LRRC34: variants seen among roughly 807,000 people sequenced by gnomAD.
LRRC34 encodes the protein leucine-rich repeat-containing protein 34.
Under a neutral mutation model 48.5 loss-of-function variants are expected in LRRC34, and 44 were observed. That is an observed-to-expected ratio of 0.91 (90% CI 0.71 to 1.17). The LOEUF (loss-of-function observed/expected upper bound fraction) is 1.17, where lower values mean the gene tolerates loss of function less well. Ranked by LOEUF, LRRC34 falls within the 50% of genes most tolerant of loss-of-function variation. LRRC34 has a pLI of 0.00. For missense variants in LRRC34, 502 were observed against 563.0 expected, an observed-to-expected ratio of 0.89 and a Z score of 1.10; for synonymous variants, 192 against 197.6, an observed-to-expected ratio of 0.97 and a Z score of 0.24.
chr3:169,807,387 T>C (rs780160867), intron 4 of LRRC34, 39 bp downstream of exon 4: 11 of 1,578,546 alleles, frequency 7.0e-6, no homozygotes, highest in Non-Finnish European at 9.6e-6. Context: ...TTGGTTTCAT[T>C]GTAAATGGAA....
chr3:169,796,625 G>A, intron 8 of LRRC34, 120 bp downstream of exon 8: 1 of 1,079,276 alleles, frequency 9.3e-7, no homozygotes, highest in East Asian at 2.8e-5. Flanking sequence ...ATTGACAATT[G>A]GTTGCAGTTT....
At chr3:169,797,005 G>A (rs1054949271) in intron 7 of LRRC34, 106 bp from the exon 8 acceptor site, 2 of 832,628 alleles carry the variant, frequency 2.4e-6, no homozygotes, top group African/African-American at 1.8e-5. Context: ...AGATTATATT[G>A]GTTAAAACTG....
At chr3:169,793,901 C>A in intron 10 of LRRC34, 63 bp from the exon 11 acceptor site, 1 of 1,127,020 alleles carries the variant, frequency 8.9e-7, no homozygotes, top group East Asian at 2.5e-5. Flanking sequence ...ACAGTGCTTA[C>A]GGAAATTTAA....
intron 8 of LRRC34, 171 bp downstream of exon 8, chr3:169,796,574 T>C (rs1459519997): frequency 5.6e-6 from 5 of 897,654 alleles, no homozygotes; most frequent in Non-Finnish European, 8.1e-6. Flanking sequence ...TTTATGTTAC[T>C]AAAAGATAGC....
chr3:169,796,642 A>G, intron 8 of LRRC34, 103 bp downstream of exon 8: 1 of 1,232,616 alleles, frequency 8.1e-7, no homozygotes, highest in Non-Finnish European at 1.1e-6. Context: ...GTTTCTAATC[A>G]TTGGAAATAA....
At chr3:169,804,356 T>A (rs998311386) in intron 5 of LRRC34, among the ~76,000 whole-genome samples, 175 bp from the exon 6 acceptor site, 1 of 152,130 alleles carries the variant, frequency 6.6e-6, no homozygotes, top group African/African-American at 2.4e-5. Context: ...AGTGCAGTGG[T>A]GTGATCTCGA....
intron 6 of LRRC34, among the ~76,000 whole-genome samples, chr3:169,802,233 A>T (rs543810643): frequency 6.6e-5 from 10 of 152,336 alleles, no homozygotes; most frequent in Middle Eastern, 3.4e-3. Flanking sequence ...AACAGAAAGC[A>T]TCTGTAAAAA....
chr3:169,795,488 A>G lies in LRRC34; in HGVS notation c.1188T>C (p.Cys396=). Residue 396 remains cysteine, a synonymous_variant, in exon 10 of 11, where the codon TGT becomes TGC. Transcript: ENST00000446859. The part of the protein sequence containing the change: ...IWGNKFDEAT[C]IAYSDLIQMG... ...AAGGAAAAAACTTAAAACTTACTAT[A>G]CACGTAGCCTCATCAAATTTGTTTC... 6.2e-7 allele frequency: 1 copy of G among 1,604,042 alleles called. No homozygotes were observed. The highest frequency in any genetic ancestry group is 1.1e-5 in the South Asian group (1 of 89,634).
chr3:169,806,847 C>CATGT lies in LRRC34; in HGVS notation c.525_528dup (p.Lys177ThrfsTer2). 1 of 1,576,838 alleles carries CATGT rather than the reference C, an allele frequency of 6.3e-7. No individual in the cohort carries two copies. Among genetic ancestry groups the CATGT allele is most frequent in the Non-Finnish European group, 8.7e-7 (1 of 1,150,540 alleles). On this transcript the variant is annotated frameshift_variant and splice_region_variant. Coordinates refer to ENST00000446859, the MANE Select transcript of LRRC34 (RefSeq NM_001172779.2). LOFTEE classifies it high-confidence loss of function. Reference sequence around the variant, plus strand: ...TTAGTTTGAAATACATAAATGCTTACATGTAGCACTTTAGCAATCAATTCT... The same window carrying CATGT: ...TTAGTTTGAAATACATAAATGCTTACATGTATGTAGCACTTTAGCAATCAATTCT...
chr3:169,795,650 T>C lies in LRRC34; in HGVS notation c.1065-39A>G, dbSNP rs1374334838. 5 of 1,591,050 alleles carry C rather than the reference T, an allele frequency of 3.1e-6. No individual in the cohort carries two copies. In the South Asian group the frequency reaches 3.4e-5, roughly 11 times the overall value. On this transcript the variant is annotated intron_variant, in intron 9 of 10. Transcript: ENST00000446859. Reference sequence around the variant, plus strand: ...TTCCACAAGGAAAGAATACAAAAATTAGCAACATTTATTACAAACACTTTC... The same window carrying C: ...TTCCACAAGGAAAGAATACAAAAATCAGCAACATTTATTACAAACACTTTC...
At position 169,803,483 on chromosome 3, in the gene LRRC34, G is replaced by A. The variant is rs556109506; in HGVS notation, c.657+570C>T. Among the ~76,000 whole-genome samples the A allele has an allele frequency of 2.0e-4, 30 of 152,318 alleles. 1 individual carries two copies. Among genetic ancestry groups the A allele is most frequent in the African/African-American group, 6.3e-4 (26 of 41,574 alleles). On this transcript the variant is annotated intron_variant, in intron 6 of 10. Transcript: ENST00000446859. ...TTTTGAGTCAGAGTCTCACTCTGTC[G>A]CCCAGGGGCTGGAGTGCAACTCACT...
chr3:169,812,289 C>G lies in LRRC34; in HGVS notation c.139+121G>C. Reference sequence around the variant, plus strand: ...GCCACAGCTGGGGTTCCCAGGGGCCCCCCTCCCGCCTCGACGCCTTGGGCT... The same window carrying G: ...GCCACAGCTGGGGTTCCCAGGGGCCGCCCTCCCGCCTCGACGCCTTGGGCT... On this transcript the variant is annotated intron_variant, in intron 1 of 10. Coordinates refer to ENST00000446859, the MANE Select transcript of LRRC34 (RefSeq NM_001172779.2). This position sits in a 1 kb window ranked among gnomAD's most constrained non-coding sequence, Gnocchi z 4.3. 8.4e-6 allele frequency: 11 copies of G among 1,307,950 alleles called. No homozygotes were observed. Among genetic ancestry groups the G allele is most frequent in the Non-Finnish European group, 1.1e-5 (11 of 1,001,798 alleles). 81.0% of individuals were successfully genotyped at this position (1,307,950 alleles called of 1,614,324 possible).
intron 6 of LRRC34, among the ~76,000 whole-genome samples, chr3:169,801,291 C>G (rs1168864469): frequency 6.6e-6 from 1 of 152,178 alleles, no homozygotes; most frequent in Non-Finnish European, 1.5e-5. Flanking sequence ...TCCTCTCACT[C>G]TGCCATTCCT....
At chr3:169,800,952 C>A (rs988526408) in intron 6 of LRRC34, among the ~76,000 whole-genome samples, 198 bp from the exon 7 acceptor site, 1 of 152,190 alleles carries the variant, frequency 6.6e-6, no homozygotes, top group African/African-American at 2.4e-5. Flanking sequence ...TAAAATCTAT[C>A]TAAAACATGG....
At chr3:169,806,601 A>C (rs1779383978) in intron 5 of LRRC34, among the ~76,000 whole-genome samples, 1 of 152,152 alleles carries the variant, frequency 6.6e-6, no homozygotes, top group African/African-American at 2.4e-5. Context: ...TGAATATATT[A>C]ATACTTAAAA....
intron 6 of LRRC34, 130 bp downstream of exon 6, chr3:169,803,923 G>A (rs946336921): frequency 1.3e-6 from 1 of 767,882 alleles, no homozygotes; most frequent in South Asian, 3.2e-5. Flanking sequence ...GCACTATTAT[G>A]TCTAGGGGAA....
rs1289133836 is a variant in LRRC34, at chr3:169,800,751, T to C, written c.661A>G (p.Met221Val). ...KLDLGDCDLG[M>V]QSVIAFATVL... ...GTAGCAAATGCTATCACACTTTGCA[T>C]TCCCTAAAAACAGGTAAATTCATTA... Residue 221 changes from methionine (M) to valine (V), a missense_variant, in exon 7 of 11, where the codon ATG becomes GTG. By Grantham distance (21) the Met-to-Val change is conservative (BLOSUM62 1). Coordinates refer to ENST00000446859, the MANE Select transcript of LRRC34 (RefSeq NM_001172779.2). 3.9e-6 allele frequency: 6 copies of C among 1,531,926 alleles called. No homozygotes were observed. In the African/African-American group the frequency reaches 6.9e-5, roughly 18 times the overall value. The allele number at this position is 1,531,926 out of a possible 1,614,324, so 94.9% of individuals were successfully genotyped here. A position where few individuals can be genotyped will look rare whatever the true frequency, so the allele number is the denominator to read the frequency against.
At chr3:169,801,408 C>T (rs1195253339) in intron 6 of LRRC34, among the ~76,000 whole-genome samples, 1 of 152,154 alleles carries the variant, frequency 6.6e-6, no homozygotes, top group Non-Finnish European at 1.5e-5. Flanking sequence ...CCACCCCAGC[C>T]CAAGTCCTCC....
chr3:169,811,774 G>C (rs13090787), intron 1 of LRRC34, among the ~76,000 whole-genome samples: 150,516 of 152,330 alleles, frequency 0.99, 74,360 homozygotes, highest in Middle Eastern at 1. Context: ...AAGTTGTTAT[G>C]CCAGCTTAAA....
Sources: allele counts gnomAD v4.1 joint callset (sites outside exome capture counted in the v4.1 genomes callset), GRCh38; gene constraint gnomAD v4.1.1; non-coding constraint Gnocchi (gnomAD v3.1); transcripts MANE v1.5; gene names NCBI Gene and HGNC (gene_info 2026-07-23, HGNC 2026-07-21).